ITGA8: variants seen among roughly 807,000 people sequenced by gnomAD.
ITGA8 encodes the protein integrin alpha-8.
A neutral mutation model predicts 142.3 loss-of-function variants in ITGA8; 91 were observed. That is an observed-to-expected ratio of 0.64 (90% CI 0.54 to 0.76). The LOEUF (loss-of-function observed/expected upper bound fraction) is 0.76, where lower values mean the gene tolerates loss of function less well. ITGA8 is among the 30% of genes least tolerant of loss of function. ITGA8 has a pLI of 0.00. For missense variants in ITGA8, 1,406 were observed against 1,327.7 expected, an observed-to-expected ratio of 1.06 and a Z score of -0.92; for synonymous variants, 505 against 485.2, an observed-to-expected ratio of 1.04 and a Z score of -0.54.
chr10:15,627,948 A>T lies in ITGA8; in HGVS notation c.1400-11389T>A, dbSNP rs527499447. 3.4e-5 allele frequency among the ~76,000 whole-genome samples: 5 copies of T among 149,076 alleles called. No individual in the cohort carries two copies. In the Admixed American group the frequency reaches 3.5e-4, roughly 10 times the overall value. On this transcript the variant is annotated intron_variant, in intron 13 of 29. Transcript: ENST00000378076. ...AAAGAAGTCGGTCAAAACCACCAAA[A>T]CCGAGATGGTGACGGGAGTGACCTC... is the stretch of plus-strand genomic sequence containing the variant.
chr10:15,595,403 G>C (rs937621011), intron 21 of ITGA8, among the ~76,000 whole-genome samples: 1 of 152,132 alleles, frequency 6.6e-6, no homozygotes, highest in African/African-American at 2.4e-5. Context: ...AATAAAATTT[G>C]ATGTGTTTAA....
intron 17 of ITGA8, among the ~76,000 whole-genome samples, 173 bp downstream of exon 17, chr10:15,607,504 T>C (rs1165310779): frequency 6.6e-6 from 1 of 152,162 alleles, no homozygotes; most frequent in Non-Finnish European, 1.5e-5. Flanking sequence ...TCAGGTTAGT[T>C]GAAGTCAGGG....
At chr10:15,675,852 G>A (rs1834619433) in intron 6 of ITGA8, among the ~76,000 whole-genome samples, 1 of 152,060 alleles carries the variant, frequency 6.6e-6, no homozygotes, top group African/African-American at 2.4e-5. Flanking sequence ...TGTGAAACCT[G>A]AATAAAATTT....
In ITGA8 at chr10:15,514,831, C is replaced by G. The variant is rs1187055818; in HGVS notation, c.*2327G>C. ...AGGTGCCCGTCCCTCTAGGAAAGGG[C>G]CATCTTGGCTGAGACTCTGGGATGG... On this transcript the variant is annotated 3_prime_UTR_variant, in exon 30 of 30. Transcript: ENST00000378076. 1 of 152,284 alleles carries G rather than the reference C, an allele frequency of 6.6e-6. No homozygotes were observed. The highest frequency in any genetic ancestry group is 2.4e-5 in the African/African-American group (1 of 41,428). 9.4% of individuals were successfully genotyped at this position (152,284 alleles called of 1,614,324 possible). A position where few individuals can be genotyped will look rare whatever the true frequency, so the allele number is the denominator to read the frequency against.
intron 27 of ITGA8, among the ~76,000 whole-genome samples, chr10:15,548,205 C>A (rs1162450333): frequency 6.6e-6 from 1 of 151,812 alleles, no homozygotes; most frequent in African/African-American, 2.4e-5. Flanking sequence ...GATTCTCATG[C>A]CTCAGTCTCC....
chr10:15,635,227 G>A (rs1307687934), intron 13 of ITGA8, among the ~76,000 whole-genome samples: 3 of 151,836 alleles, frequency 2.0e-5, no homozygotes, highest in Admixed American at 6.6e-5. Flanking sequence ...GGATGGTCTT[G>A]ATCTCTTGAC....
intron 28 of ITGA8, 76 bp from the exon 29 acceptor site, chr10:15,519,488 A>T: frequency 2.7e-6 from 4 of 1,481,184 alleles, no homozygotes; most frequent in Non-Finnish European, 3.7e-6. Context: ...TACCAGTACA[A>T]CATCGGAAGT....
Position 15,644,046 on chromosome 10 carries a change from G to A in ITGA8, c.1383C>T (p.Asp461=). 6.2e-7 allele frequency: 1 copy of A among 1,613,638 alleles called. No homozygotes were observed. The highest frequency in any genetic ancestry group is 8.5e-7 in the Non-Finnish European group (1 of 1,179,694). The change falls in exon 13 of 30, where the codon GAC becomes GAT. Residue 461 remains aspartate (D), a synonymous_variant. Coordinates refer to ENST00000378076, the MANE Select transcript of ITGA8 (RefSeq NM_003638.3). ...GFTLRGDSDI[D]KNDYPDLIVG... is the part of the protein sequence containing the mutation. Reference sequence around the variant, plus strand: ...AAACCTTACCTGGGTAATCATTCTTGTCTATGTCTGAATCTCCTCTTAAAG... The same window carrying A: ...AAACCTTACCTGGGTAATCATTCTTATCTATGTCTGAATCTCCTCTTAAAG...
chr10:15,591,109 A>T (rs1346431016), intron 22 of ITGA8, among the ~76,000 whole-genome samples: 1 of 152,134 alleles, frequency 6.6e-6, no homozygotes, highest in Non-Finnish European at 1.5e-5. Context: ...AAGTTATCAC[A>T]CTCTAATGGT....
At chr10:15,678,823 T>C in intron 4 of ITGA8, 40 bp from the exon 5 acceptor site, 1 of 1,316,072 alleles carries the variant, frequency 7.6e-7, no homozygotes, top group Non-Finnish European at 1.1e-6. Flanking sequence ...AACGTTATCA[T>C]TCCTGAAATA....
chr10:15,639,980 T>A (rs184749083), intron 13 of ITGA8, among the ~76,000 whole-genome samples: 1 of 152,080 alleles, frequency 6.6e-6, no homozygotes, highest in Non-Finnish European at 1.5e-5. Context: ...ATCAACTCCA[T>A]TGGGGATGGC....
At chr10:15,656,405 C>T (rs566486716) in intron 10 of ITGA8, among the ~76,000 whole-genome samples, 1 of 151,762 alleles carries the variant, frequency 6.6e-6, no homozygotes, top group Non-Finnish European at 1.5e-5. Context: ...GCTCTGTTGC[C>T]CAGGCTGGAG....
chr10:15,673,179 G>T (rs187541517), intron 6 of ITGA8, among the ~76,000 whole-genome samples: 56 of 152,274 alleles, frequency 3.7e-4, no homozygotes, highest in Admixed American at 1.8e-3. Flanking sequence ...TGTCTCCCGG[G>T]TTCAAGTGAT....
chr10:15,610,183 T>C (rs994228372), intron 15 of ITGA8, among the ~76,000 whole-genome samples: 1 of 152,218 alleles, frequency 6.6e-6, no homozygotes, highest in Non-Finnish European at 1.5e-5. Flanking sequence ...TAGATTACTT[T>C]AGTGGAAAAG....
In ITGA8 at chr10:15,606,406, C is replaced by T. The variant is rs199804208; in HGVS notation, c.1781G>A (p.Arg594Gln). ...AATGTTGATTGGAGATAATTTATCT[C>T]GGAATTCAGTTTCATCCTAGGAAAA... ...IVYLRDETEF[R>Q]DKLSPINISL... Residue 594 changes from arginine (R) to glutamine (Q), a missense_variant, in exon 18 of 30, where the codon CGA becomes CAA. Transcript: ENST00000378076. The T allele has an allele frequency of 3.6e-5, 57 of 1,594,388 alleles. No individual in the cohort carries two copies. Among genetic ancestry groups the T allele is most frequent in the Non-Finnish European group, 4.1e-5 (48 of 1,164,462 alleles).
At position 15,550,786 on chromosome 10, in the gene ITGA8, A is replaced by G. The variant is rs186896745; in HGVS notation, c.2767-2218T>C. 1.5e-3 allele frequency among the ~76,000 whole-genome samples: 221 copies of G among 152,086 alleles called. 2 individuals carry two copies. The highest frequency in any genetic ancestry group is 3.4e-3 in the Middle Eastern group (1 of 294). ...ACTGGAGAACCTGTGATGCTTTTAT[A>G]TCCAGGGGATATTGATCAGGTTTGT... On this transcript the variant is annotated intron_variant, in intron 26 of 29. Transcript: ENST00000378076.
rs151036773 is a variant in ITGA8, at chr10:15,671,610, A to G, written c.840T>C (p.Ser280=). 2,001 of 1,612,626 alleles carry G rather than the reference A, an allele frequency of 1.2e-3. 2 individuals carry two copies. The highest frequency in any genetic ancestry group is 1.6e-3 in the Non-Finnish European group (1,867 of 1,178,748). Residue 280 remains serine (S), a synonymous_variant, in exon 8 of 30, where the codon TCT becomes TCC. Coordinates refer to ENST00000378076, the MANE Select transcript of ITGA8 (RefSeq NM_003638.3). ...CTCAACAGTGCCTCTCACCTTGCTGAGAATCCCCAGTAAACTCCCCAGCAG... is the reference window on the plus strand; with the variant it reads ...CTCAACAGTGCCTCTCACCTTGCTGGGAATCCCCAGTAAACTCCCCAGCAG... ...SVAAGEFTGD[S]QQELVAGIPR... is the part of the protein sequence containing the mutation.
intron 2 of ITGA8, among the ~76,000 whole-genome samples, chr10:15,693,688 T>C (rs1834974720): frequency 6.6e-6 from 1 of 152,194 alleles, no homozygotes; most frequent in Non-Finnish European, 1.5e-5. Context: ...CTTGGGCAAT[T>C]CATTTAATCT....
intron 24 of ITGA8, 135 bp from the exon 25 acceptor site, chr10:15,572,504 T>C: frequency 1.3e-6 from 1 of 782,632 alleles, no homozygotes. Context: ...CTATGGAAAA[T>C]AAGAAAATTC....
Sources: gnomAD v4.1 joint callset for allele counts (sites outside exome capture counted in the v4.1 genomes callset) on GRCh38, gnomAD v4.1.1 for gene constraint, MANE v1.5 for transcripts, NCBI Gene and HGNC (gene_info 2026-07-23, HGNC 2026-07-21) for gene names.